Variants in SPCS3 observed in about 807,000 individuals in gnomAD.
The protein encoded by SPCS3 is SPase 22 kDa subunit.
SPCS3 carries 9 observed loss-of-function variants against 17.2 expected under a neutral mutation model. That is an observed-to-expected ratio of 0.52 (90% CI 0.31 to 0.91). The LOEUF (loss-of-function observed/expected upper bound fraction) is 0.91. SPCS3 is among the 40% of genes least tolerant of loss of function. SPCS3 has a pLI of 0.04. For synonymous variants in SPCS3, 87 were observed against 89.6 expected, an observed-to-expected ratio of 0.97 and a Z score of 0.16; for missense variants, 139 against 217.5, an observed-to-expected ratio of 0.64 and a Z score of 2.27.
chr4:176,325,073 CAG>C, intron 3 of SPCS3, among the ~76,000 whole-genome samples: 1 of 134,758 alleles, frequency 7.4e-6, no homozygotes, highest in East Asian at 2.2e-4. Flanking sequence ...TTTTTTAAGA[CAG>C]AGTCTCGTGC....
At chr4:176,323,534 A>G (rs1186736645) in intron 2 of SPCS3, among the ~76,000 whole-genome samples, 1 of 152,170 alleles carries the variant, frequency 6.6e-6, no homozygotes, top group Non-Finnish European at 1.5e-5. Flanking sequence ...AGTTAACTTA[A>G]CAATTAACAT....
intron 1 of SPCS3, 28 bp downstream of exon 1, chr4:176,320,247 G>T (rs780083941): frequency 8.0e-6 from 12 of 1,507,838 alleles, no homozygotes; most frequent in East Asian, 2.8e-5. Context: ...GGCGGTGCAG[G>T]ACGCCGGGAC....
chr4:176,320,199 G>A lies in SPCS3; in HGVS notation c.123G>A (p.Leu41=). 1 of 1,573,014 alleles carries A rather than the reference G, an allele frequency of 6.4e-7. No individual in the cohort carries two copies. Among genetic ancestry groups the A allele is most frequent in the Non-Finnish European group, 8.6e-7 (1 of 1,160,722 alleles). ...AAGACAGGAGCGTCCCGGTGCGGCTGCACGTCTCGCGGATCATGCTGTGAG... is the reference window on the plus strand; with the variant it reads ...AAGACAGGAGCGTCCCGGTGCGGCTACACGTCTCGCGGATCATGCTGTGAG... The part of the protein sequence containing the change: ...AFKDRSVPVR[L]HVSRIMLKNV... The change falls in exon 1 of 5, where the codon CTG becomes CTA. Residue 41 remains leucine (L), a synonymous_variant. Coordinates refer to ENST00000503362, the MANE Select transcript of SPCS3 (RefSeq NM_021928.4).
At chr4:176,322,104 T>C (rs1731546301) in intron 1 of SPCS3, 66 bp from the exon 2 acceptor site, 1 of 1,076,138 alleles carries the variant, frequency 9.3e-7, no homozygotes, top group African/African-American at 1.6e-5. Flanking sequence ...TCTTTCTCTT[T>C]AAGAAGTTAC....
At chr4:176,324,407 T>G (rs1274966260) in intron 3 of SPCS3, 150 bp downstream of exon 3, 1 of 399,960 alleles carries the variant, frequency 2.5e-6, no homozygotes, top group East Asian at 7.2e-5. Context: ...TATGAAAACA[T>G]TTGATCTTTT....
intron 3 of SPCS3, 35 bp downstream of exon 3, chr4:176,324,292 A>G: frequency 1.1e-6 from 1 of 939,542 alleles, no homozygotes; most frequent in East Asian, 3.8e-5. Flanking sequence ...TTTAATAGCT[A>G]TTTAAAGTCT....
At position 176,329,752 on chromosome 4, in the gene SPCS3, AC is replaced by A. The variant is rs1731659178; in HGVS notation, c.*1425del. 1 of 152,122 alleles carries A rather than the reference AC, an allele frequency of 6.6e-6. No individual in the cohort carries two copies. Among genetic ancestry groups the A allele is most frequent in the Non-Finnish European group, 1.5e-5 (1 of 67,998 alleles). 9.4% of individuals were successfully genotyped at this position (152,122 alleles called of 1,614,324 possible). On this transcript the variant is annotated 3_prime_UTR_variant, in exon 5 of 5. Transcript: ENST00000503362. ...TCAAAGTAGCAACTGCAAATCAGTT[AC>A]CCTTAGAAAAGCAAGACCAAACACT... is the stretch of plus-strand genomic sequence containing the variant.
chr4:176,326,896 A>G, intron 3 of SPCS3: 1 of 216,012 alleles, frequency 4.6e-6, no homozygotes, highest in South Asian at 9.7e-5. Flanking sequence ...AAAACCTTGC[A>G]TTAAGTTATG....
chr4:176,325,358 T>C (rs528525168), intron 3 of SPCS3, among the ~76,000 whole-genome samples: 11 of 152,138 alleles, frequency 7.2e-5, no homozygotes, highest in Non-Finnish European at 1.3e-4. Flanking sequence ...CCGGCCGTTG[T>C]TTACTCTTTA....
At chr4:176,323,329 T>C (rs899864277) in intron 2 of SPCS3, among the ~76,000 whole-genome samples, 29 of 152,136 alleles carry the variant, frequency 1.9e-4, no homozygotes, top group Non-Finnish European at 1.6e-4. Flanking sequence ...TATTTATATA[T>C]TACCAATCTC....
rs750610436 is a variant in SPCS3, at chr4:176,320,051, G to A, written c.-26G>A. 1 of 1,525,512 alleles carries A rather than the reference G, an allele frequency of 6.6e-7. No individual in the cohort carries two copies. The highest frequency in any genetic ancestry group is 1.2e-5 in the South Asian group (1 of 82,886). 94.5% of individuals were successfully genotyped at this position (1,525,512 alleles called of 1,614,324 possible). A position where few individuals can be genotyped will look rare whatever the true frequency, so the allele number is the denominator to read the frequency against. On this transcript the variant is annotated 5_prime_UTR_variant, in exon 1 of 5. Coordinates refer to ENST00000503362, the MANE Select transcript of SPCS3 (RefSeq NM_021928.4). Reference sequence around the variant, plus strand: ...ACGGGAGCCTGGGTGTGCGTGTGGAGTCCGGACTCGTGGGAGACGATCGCG... The same window carrying A: ...ACGGGAGCCTGGGTGTGCGTGTGGAATCCGGACTCGTGGGAGACGATCGCG...
chr4:176,320,091 G>T lies in SPCS3; in HGVS notation c.15G>T (p.Leu5=). The change falls in exon 1 of 5, where the codon CTG becomes CTT. Residue 5 remains leucine, a synonymous_variant. Transcript: ENST00000503362. MNTV[L]SRANSLFAFS... Reference sequence around the variant, plus strand: ...AGACGATCGCGATGAACACGGTGCTGTCGCGGGCGAACTCACTGTTCGCCT... The same window carrying T: ...AGACGATCGCGATGAACACGGTGCTTTCGCGGGCGAACTCACTGTTCGCCT... The T allele has an allele frequency of 6.4e-7, 1 of 1,570,426 alleles. No individual in the cohort carries two copies. Among genetic ancestry groups the T allele is most frequent in the South Asian group, 1.1e-5 (1 of 87,282 alleles).
chr4:176,326,636 G>T (rs1731611282), intron 3 of SPCS3, among the ~76,000 whole-genome samples: 1 of 152,158 alleles, frequency 6.6e-6, no homozygotes, highest in Non-Finnish European at 1.5e-5. Flanking sequence ...TAAAGCTTTT[G>T]TAAAGAAATC....
chr4:176,320,126 G>T lies in SPCS3; in HGVS notation c.50G>T (p.Ser17Ile). Reference sequence around the variant, plus strand: ...AACTCACTGTTCGCCTTCTCGCTGAGCGTGATGGCGGCGCTCACCTTCGGC... The same window carrying T: ...AACTCACTGTTCGCCTTCTCGCTGATCGTGATGGCGGCGCTCACCTTCGGC... ...RANSLFAFSL[S>I]VMAALTFGCF... The change falls in exon 1 of 5, where the codon AGC becomes ATC. Residue 17 changes from serine to isoleucine, a missense_variant. Ser to Ile is a moderately radical substitution (Grantham distance 142). Transcript: ENST00000503362. The T allele has an allele frequency of 6.3e-7, 1 of 1,583,018 alleles. No homozygotes were observed. Among genetic ancestry groups the T allele is most frequent in the African/African-American group, 1.4e-5 (1 of 71,932 alleles).
intron 3 of SPCS3, 179 bp from the exon 4 acceptor site, chr4:176,326,983 A>G (rs1455200472): frequency 2.3e-6 from 1 of 428,922 alleles, no homozygotes; most frequent in African/African-American, 2.1e-5. Flanking sequence ...TCTCTGAGAA[A>G]AGTTTGCCCC....
At chr4:176,326,961 T>C (rs1448911017) in intron 3 of SPCS3, 9 of 402,878 alleles carry the variant, frequency 2.2e-5, no homozygotes, top group African/African-American at 1.5e-4. Flanking sequence ...CTTCAGGGAA[T>C]TGTCATTCTT....
chr4:176,328,508 A>G lies in SPCS3; in HGVS notation c.*178A>G, dbSNP rs1301128616. The G allele has an allele frequency of 2.6e-6, 1 of 380,436 alleles. No homozygotes were observed. The highest frequency in any genetic ancestry group is 4.4e-5 in the East Asian group (1 of 22,980). The allele number at this position is 380,436 out of a possible 1,614,324, so 23.6% of individuals were successfully genotyped here. A position where few individuals can be genotyped will look rare whatever the true frequency, so the allele number is the denominator to read the frequency against. ...GTTTAAAGGGAAAGGTTAATGGGCT[A>G]CTTAATATTATGAACAAAACAAAAA... is the stretch of plus-strand genomic sequence containing the variant. On this transcript the variant is annotated 3_prime_UTR_variant, in exon 5 of 5. Coordinates refer to ENST00000503362, the MANE Select transcript of SPCS3 (RefSeq NM_021928.4).
intron 4 of SPCS3, chr4:176,327,482 T>G (rs1242940112): frequency 2.8e-6 from 1 of 361,588 alleles, no homozygotes; most frequent in Non-Finnish European, 5.2e-6. Context: ...TGAAATGTCA[T>G]AGTCAAACTA....
chr4:176,322,208 G>C lies in SPCS3; in HGVS notation c.182G>C (p.Ser61Thr), dbSNP rs749439628. The change falls in exon 2 of 5, where the codon AGT (serine) becomes ACT (threonine). Residue 61 changes from serine to threonine, a missense_variant. Physicochemically the swap from Ser to Thr is moderately conservative, Grantham distance 58. Transcript: ENST00000503362. ...GATTTCACTGGACCTAGAGAAAGAAGTGATCTGGGATTTATCACATTTGAT... is the reference window on the plus strand; with the variant it reads ...GATTTCACTGGACCTAGAGAAAGAACTGATCTGGGATTTATCACATTTGAT... ...VEDFTGPRER[S>T]DLGFITFDIT... 1 of 1,608,216 alleles carries C rather than the reference G, an allele frequency of 6.2e-7. No individual in the cohort carries two copies.
Sources: gnomAD v4.1 joint callset for allele counts (sites outside exome capture counted in the v4.1 genomes callset) on GRCh38, gnomAD v4.1.1 for gene constraint, MANE v1.5 for transcripts, NCBI Gene and HGNC (gene_info 2026-07-23, HGNC 2026-07-21) for gene names.